Variants in ELF2 observed in about 807,000 individuals in gnomAD.
ELF2 encodes ETS-related transcription factor Elf-2.
ELF2 carries 11 observed loss-of-function variants against 54.8 expected under a neutral mutation model. That is an observed-to-expected ratio of 0.20 (90% CI 0.13 to 0.33). The LOEUF is 0.33. Ranked by LOEUF, ELF2 falls within the 10% of genes least tolerant of loss-of-function variation. The probability of loss-of-function intolerance (pLI) is 1.00; values close to 1 mark genes in which losing one functional copy is unlikely to be tolerated. For missense variants in ELF2, 513 were observed against 703.0 expected (o/e 0.73, Z 3.06); for synonymous variants, 203 against 245.1 (o/e 0.83, Z 1.61).
In ELF2 at chr4:139,125,179, C is replaced by T. The variant is rs374199060; in HGVS notation, c.223G>A (p.Glu75Lys). The T allele has an allele frequency of 4.5e-5, 73 of 1,608,190 alleles. No individual in the cohort carries two copies. The highest frequency in any genetic ancestry group is 5.7e-5 in the Non-Finnish European group (67 of 1,178,580). The change falls in exon 4 of 10, where the codon GAG (glutamate) becomes AAG (lysine). Residue 75 changes from glutamate to lysine, a missense_variant. Glu to Lys is a moderately conservative substitution (Grantham distance 56). This residue lies in a region of ELF2 where 203 missense variants were observed against 245.9 expected (regional missense o/e 0.83). Coordinates refer to ENST00000686138, the MANE Select transcript of ELF2 (RefSeq NM_001331036.3). ...DVAEEQEVET[E>K]NVETVEASVH... ...AGATGTCTACCTGTTTCCACATTCT[C>T]GGTCTCAACTTCTTGTTCTTCTGCC...
At position 139,060,409 on chromosome 4, in the gene ELF2, C is replaced by T. The variant is rs780553267; in HGVS notation, c.1072G>A (p.Val358Ile). ...TGCCCAGGGGAAGTGATATTCACAA[C>T]TCTAGCTACACCCTTCTCTGCTCTG... The part of the protein sequence containing the change: ...CSRAEKGVAR[V>I]VNITSPGHDA... The change falls in exon 9 of 10, where the codon GTT becomes ATT. Residue 358 changes from valine to isoleucine, a missense_variant. Transcript: ENST00000686138. The T allele has an allele frequency of 1.2e-5, 19 of 1,614,192 alleles. No homozygotes were observed. The highest frequency in any genetic ancestry group is 1.4e-5 in the Non-Finnish European group (17 of 1,180,022).
At chr4:139,067,874 A>G (rs768934493) in intron 6 of ELF2, 104 bp from the exon 7 acceptor site, 22 of 1,093,056 alleles carry the variant, frequency 2.0e-5, no homozygotes, top group Non-Finnish European at 2.8e-5. Flanking sequence ...AATGGATACT[A>G]ATTTGTAGAT....
chr4:139,174,001 A>T (rs1177247473), intron 1 of ELF2, among the ~76,000 whole-genome samples: 2 of 150,940 alleles, frequency 1.3e-5, no homozygotes, highest in Non-Finnish European at 3.0e-5. Context: ...AGGCGGGCGG[A>T]TCACGAGGTC....
At chr4:139,066,506 G>A (rs960055379) in intron 7 of ELF2, 13 of 152,064 alleles carry the variant, frequency 8.5e-5, no homozygotes, top group African/African-American at 3.1e-4. Flanking sequence ...AATGTTACTT[G>A]AAATCATCTT....
rs539390000 is a variant in ELF2 at position 139,148,308 on chromosome 4, C to A, written c.-251-8811G>T. ...AGGACTACAGACAGGTGAAGTCATA[C>A]CTGGCTAATTTTTTTTTTTTTTTTT... On this transcript the variant is annotated intron_variant, in intron 1 of 9. Coordinates refer to ENST00000686138, the MANE Select transcript of ELF2 (RefSeq NM_001331036.3). 4.2e-5 allele frequency among the ~76,000 whole-genome samples: 6 copies of A among 143,950 alleles called. No individual in the cohort carries two copies. In the East Asian group the frequency reaches 1.2e-3, roughly 29 times the overall value. 94.4% of individuals were successfully genotyped at this position (143,950 alleles called of 152,430 possible).
intron 3 of ELF2, among the ~76,000 whole-genome samples, chr4:139,136,414 A>C (rs1578894832): frequency 6.6e-6 from 1 of 152,076 alleles, no homozygotes; most frequent in South Asian, 2.1e-4. Context: ...GCAGACACCA[A>C]GGAGCAAAAA....
chr4:139,172,150 T>A (rs1742371264), intron 1 of ELF2, among the ~76,000 whole-genome samples: 1 of 152,128 alleles, frequency 6.6e-6, no homozygotes, highest in Non-Finnish European at 1.5e-5. Flanking sequence ...TATGTCCACA[T>A]AAAGACTTGT....
intron 1 of ELF2, among the ~76,000 whole-genome samples, chr4:139,161,946 T>C (rs1336318303): frequency 2.0e-5 from 3 of 151,736 alleles, no homozygotes; most frequent in African/African-American, 7.3e-5. Flanking sequence ...TACAATAAAT[T>C]AGCTGGGTGT....
intron 4 of ELF2, among the ~76,000 whole-genome samples, chr4:139,087,622 C>T (rs918113331): frequency 6.6e-6 from 1 of 152,100 alleles, no homozygotes. Context: ...CCCGCCTCCA[C>T]GCCCGGCTAA....
chr4:139,151,216 T>C (rs1423569806), intron 1 of ELF2, among the ~76,000 whole-genome samples: 1 of 152,044 alleles, frequency 6.6e-6, no homozygotes, highest in Admixed American at 6.6e-5. Context: ...GACCTAAATA[T>C]ATGAAATATT....
intron 3 of ELF2, among the ~76,000 whole-genome samples, chr4:139,130,793 G>T (rs879805134): frequency 3.3e-5 from 5 of 152,174 alleles, no homozygotes; most frequent in Admixed American, 6.5e-5. Context: ...TTGGCTCAAA[G>T]AATAATAAAG....
chr4:139,152,531 A>G (rs1188080090), intron 1 of ELF2, among the ~76,000 whole-genome samples: 9 of 151,910 alleles, frequency 5.9e-5, no homozygotes, highest in Non-Finnish European at 1.0e-4. Flanking sequence ...GGGTCTCCCT[A>G]TGTTGCCCAG....
chr4:139,059,542 A>G lies in ELF2; in HGVS notation c.1223T>C (p.Val408Ala). 1.9e-6 allele frequency: 3 copies of G among 1,613,788 alleles called. No individual in the cohort carries two copies. The highest frequency in any genetic ancestry group is 2.5e-6 in the Non-Finnish European group (3 of 1,179,870). The change falls in exon 10 of 10, where the codon GTG (valine) becomes GCG (alanine). Residue 408 changes from valine to alanine, a missense_variant. Val to Ala is a moderately conservative substitution (Grantham distance 64). Around this residue, in one of 3 missense-constraint regions of ELF2, gnomAD observed 291 missense variants for 366.1 expected, o/e 0.79. Transcript: ENST00000686138. Reference sequence around the variant, plus strand: ...ACCTGCATTAACTGACTGAACTGCCACAGTTGAAATTTTCTGACCCAATGA... The same window carrying G: ...ACCTGCATTAACTGACTGAACTGCCGCAGTTGAAATTTTCTGACCCAATGA... ...MTSLGQKIST[V>A]AVQSVNAGAP... is the part of the protein sequence containing the mutation.
chr4:139,131,641 C>T (rs758206222), intron 3 of ELF2, among the ~76,000 whole-genome samples: 3 of 152,008 alleles, frequency 2.0e-5, no homozygotes, highest in Non-Finnish European at 4.4e-5. Context: ...TGAAAAATGC[C>T]GTTTGGCAGG....
At chr4:139,143,871 GA>G (rs1330788341) in intron 1 of ELF2, among the ~76,000 whole-genome samples, 1 of 152,024 alleles carries the variant, frequency 6.6e-6, no homozygotes, top group Non-Finnish European at 1.5e-5. Flanking sequence ...CCCAGGCTCA[GA>G]AAAGACCTGA....
chr4:139,107,786 A>G (rs921082730), intron 4 of ELF2, among the ~76,000 whole-genome samples: 1 of 152,218 alleles, frequency 6.6e-6, no homozygotes, highest in African/African-American at 2.4e-5. Context: ...CATACCAAAT[A>G]TAACATAACA....
intron 4 of ELF2, chr4:139,115,343 G>C: frequency 3.7e-6 from 5 of 1,356,428 alleles, no homozygotes; most frequent in Non-Finnish European, 4.7e-6. Flanking sequence ...GGTCGCCAAC[G>C]CCGCGCCCCC....
intron 4 of ELF2, among the ~76,000 whole-genome samples, chr4:139,074,617 G>A (rs1255305304): frequency 4.0e-5 from 6 of 151,762 alleles, no homozygotes; most frequent in Admixed American, 1.3e-4. Context: ...AAAATTAGCC[G>A]GGCGTGGTGG....
intron 1 of ELF2, among the ~76,000 whole-genome samples, chr4:139,159,355 A>C (rs1180821671): frequency 6.6e-6 from 1 of 152,248 alleles, no homozygotes; most frequent in East Asian, 1.9e-4. Context: ...TGTAACCTAC[A>C]TGGAAGAGGT....
Sources: gnomAD v4.1 joint callset for allele counts (sites outside exome capture counted in the v4.1 genomes callset) on GRCh38, gnomAD v4.1.1 for gene constraint, gnomAD v4.1.1 regional missense constraint, MANE v1.5 for transcripts, NCBI Gene and HGNC (gene_info 2026-07-23, HGNC 2026-07-21) for gene names.